The following ACSBG1 variants were observed in gnomAD, a reference collection of about 807,000 sequenced individuals.
The protein encoded by ACSBG1 is long-chain-fatty-acid--CoA ligase ACSBG1.
ACSBG1 carries 39 observed loss-of-function variants against 80.2 expected under a neutral mutation model. The observed-to-expected ratio is 0.49, with a 90% CI of 0.38 to 0.64. The LOEUF is 0.64. Ranked by LOEUF, ACSBG1 falls within the 30% of genes least tolerant of loss-of-function variation. ACSBG1 has a pLI of 0.00. For synonymous variants in ACSBG1, 392 were observed against 379.5 expected (o/e 1.03, Z -0.38); for missense variants, 828 against 966.4 (o/e 0.86, Z 1.90).
At chr15:78,193,666 A>C (rs774517046) in intron 4 of ACSBG1, 40 bp from the exon 5 acceptor site, 3 of 1,591,708 alleles carry the variant, frequency 1.9e-6, no homozygotes, top group Non-Finnish European at 2.6e-6. Context: ...GGGGAGGTGC[A>C]GAGGGGCCAC....
intron 1 of ACSBG1, chr15:78,212,521 G>A (rs770103556): frequency 8.8e-5 from 40 of 454,850 alleles, no homozygotes; most frequent in Admixed American, 2.1e-4. Flanking sequence ...GGCAGGAGGC[G>A]GGGGAAGGTG....
At chr15:78,207,923 A>ACCCCCCCCCCCCCCCCCCCACCCCCCC in intron 2 of ACSBG1, 79 bp downstream of exon 2, 1 of 284,792 alleles carries the variant, frequency 3.5e-6, no homozygotes, top group African/African-American at 2.9e-5. Context: ...GTGGTCCCCC[A>ACCCCCCCCCCCCCCCCCCCACCCCCCC]CACCACCCAC....
chr15:78,207,925 A>ACCCC, intron 2 of ACSBG1, 77 bp downstream of exon 2: 3 of 454,976 alleles, frequency 6.6e-6, no homozygotes, highest in Admixed American at 2.6e-5. Flanking sequence ...GGTCCCCCAC[A>ACCCC]CCACCCACCC....
intron 5 of ACSBG1, among the ~76,000 whole-genome samples, chr15:78,192,077 C>T (rs374199186): frequency 9.9e-5 from 15 of 152,130 alleles, no homozygotes; most frequent in African/African-American, 3.1e-4. Flanking sequence ...AGGACGACGA[C>T]GTGAAGACAC....
At chr15:78,211,077 G>A (rs1032478768) in intron 1 of ACSBG1, among the ~76,000 whole-genome samples, 1 of 152,274 alleles carries the variant, frequency 6.6e-6, no homozygotes, top group African/African-American at 2.4e-5. Flanking sequence ...TTACATTGGG[G>A]GACAAGTTCC....
At chr15:78,184,101 G>C (rs2074976347) in intron 5 of ACSBG1, among the ~76,000 whole-genome samples, 1 of 152,146 alleles carries the variant, frequency 6.6e-6, no homozygotes, top group Non-Finnish European at 1.5e-5. Flanking sequence ...AGTACACTTT[G>C]ATTCCTCTTT....
At chr15:78,230,477 G>A (rs1488648377) in intron 1 of ACSBG1, among the ~76,000 whole-genome samples, 2 of 152,186 alleles carry the variant, frequency 1.3e-5, no homozygotes, top group African/African-American at 2.4e-5. Flanking sequence ...ATGCAGACCC[G>A]CCTTTCCCCA....
chr15:78,168,911 C>T lies in ACSBG1; in HGVS notation c.*2533G>A, dbSNP rs2141308033. ...GATACATCTTTTATTTTTGCTTTTT[C>T]CTTTTCTCAGAGCTTGACAAAAGAT... On this transcript the variant is annotated 3_prime_UTR_variant, in exon 14 of 14. Coordinates refer to ENST00000258873, the MANE Select transcript of ACSBG1 (RefSeq NM_015162.5). 6.4e-7 allele frequency: 1 copy of T among 1,568,458 alleles called. No homozygotes were observed.
chr15:78,174,341 C>T (rs1235782320), intron 12 of ACSBG1, 44 bp downstream of exon 12: 3 of 1,613,792 alleles, frequency 1.9e-6, no homozygotes, highest in Non-Finnish European at 2.5e-6. Flanking sequence ...CCCACAGACC[C>T]CCTCACTGGC....
rs759103946 is a variant in ACSBG1 at position 78,172,252 on chromosome 15, C to T, written c.2090-723G>A. 1.4e-4 allele frequency among the ~76,000 whole-genome samples: 21 copies of T among 152,248 alleles called. No homozygotes were observed. The highest frequency in any genetic ancestry group is 2.9e-4 in the Non-Finnish European group (20 of 68,050). On this transcript the variant is annotated intron_variant, in intron 13 of 13. Coordinates refer to ENST00000258873, the MANE Select transcript of ACSBG1 (RefSeq NM_015162.5). The surrounding 1 kb of genome is among the most constrained non-coding windows in gnomAD (Gnocchi z 4.1). ...AAATGTGGATAATAAATGTTTACTG[C>T]TTTAGGCTGCTACATTTTTGGGGTC... is the stretch of plus-strand genomic sequence containing the variant.
chr15:78,194,286 A>T (rs2075089553), intron 3 of ACSBG1, among the ~76,000 whole-genome samples: 1 of 152,254 alleles, frequency 6.6e-6, no homozygotes, highest in South Asian at 2.1e-4. Flanking sequence ...CACAAATGAA[A>T]AGTGAGTAAC....
intron 2 of ACSBG1, among the ~76,000 whole-genome samples, chr15:78,202,854 T>C (rs1016454506): frequency 6.6e-6 from 1 of 152,108 alleles, no homozygotes; most frequent in African/African-American, 2.4e-5. Context: ...AATGTGGAGA[T>C]GGATATCCAT....
intron 2 of ACSBG1, among the ~76,000 whole-genome samples, chr15:78,196,757 A>G (rs2075117820): frequency 6.6e-6 from 1 of 152,212 alleles, no homozygotes; most frequent in Non-Finnish European, 1.5e-5. Flanking sequence ...GTCAGAGAGT[A>G]GAATGCTATT....
intron 2 of ACSBG1, among the ~76,000 whole-genome samples, chr15:78,201,784 C>T (rs1405649148): frequency 2.0e-5 from 3 of 152,176 alleles, no homozygotes; most frequent in Non-Finnish European, 4.4e-5. Flanking sequence ...TGGCAAGGTA[C>T]GCCAAATGCA....
At chr15:78,200,983 T>G (rs2075162376) in intron 2 of ACSBG1, among the ~76,000 whole-genome samples, 1 of 152,192 alleles carries the variant, frequency 6.6e-6, no homozygotes, top group African/African-American at 2.4e-5. Context: ...TTCCCTTTGG[T>G]TCCCCGTCTC....
At chr15:78,209,054 G>C in intron 1 of ACSBG1, 1 of 443,030 alleles carries the variant, frequency 2.3e-6, no homozygotes, top group South Asian at 1.6e-5. Context: ...TGTCCCTGAG[G>C]GTAGGACCCT....
rs144254662 is a variant in ACSBG1 at position 78,179,927 on chromosome 15, G to C, written c.1254-147C>G. On this transcript the variant is annotated intron_variant, in intron 9 of 13. Transcript: ENST00000258873. ...TCCAGTTGTCTGTTCCAGTTGGTTGGTTTGAATATTGAACCTGCCCGTGAA... is the reference window on the plus strand; with the variant it reads ...TCCAGTTGTCTGTTCCAGTTGGTTGCTTTGAATATTGAACCTGCCCGTGAA... The C allele has an allele frequency of 1.0e-3, 684 of 681,090 alleles. 9 individuals are homozygous for C. The East Asian group carries it at 0.017, about 17-fold the overall frequency. 42.2% of individuals were successfully genotyped at this position (681,090 alleles called of 1,614,324 possible).
chr15:78,195,866 T>G (rs759888452), intron 2 of ACSBG1, among the ~76,000 whole-genome samples: 98 of 152,144 alleles, frequency 6.4e-4, no homozygotes, highest in Non-Finnish European at 1.0e-3. Context: ...CCTATTCTCC[T>G]GTCACCGGTC....
Position 78,182,043 on chromosome 15 carries a change from C to A in ACSBG1, c.997G>T (p.Ala333Ser), listed in dbSNP as rs771434592. The change falls in exon 8 of 14, where the codon GCC (alanine) becomes TCC (serine). Residue 333 changes from alanine to serine, a missense_variant. Physicochemically the swap from Ala to Ser is moderately conservative, Grantham distance 99. Coordinates refer to ENST00000258873, the MANE Select transcript of ACSBG1 (RefSeq NM_015162.5). Reference sequence around the variant, plus strand: ...CCTGTCCACAGGTCGTAGATCTGGGCGGCAATATGGCTGAGGGGCAGGTAG... The same window carrying A: ...CCTGTCCACAGGTCGTAGATCTGGGAGGCAATATGGCTGAGGGGCAGGTAG... ...VSYLPLSHIAAQIYDLWTGIQ... is the reference protein window; with the variant it reads ...VSYLPLSHIASQIYDLWTGIQ... 37 of 1,613,980 alleles carry A rather than the reference C, an allele frequency of 2.3e-5. No individual in the cohort carries two copies. The highest frequency in any genetic ancestry group is 2.9e-5 in the Non-Finnish European group (34 of 1,180,036).
Sources: gnomAD v4.1 joint callset for allele counts (sites outside exome capture counted in the v4.1 genomes callset) on GRCh38, gnomAD v4.1.1 for gene constraint, Gnocchi (gnomAD v3.1) non-coding constraint, MANE v1.5 for transcripts, NCBI Gene and HGNC (gene_info 2026-07-23, HGNC 2026-07-21) for gene names.